TTK: variants seen among roughly 807,000 people sequenced by gnomAD.
TTK encodes the protein dual specificity protein kinase TTK.
TTK carries 59 observed loss-of-function variants against 117.3 expected under a neutral mutation model. That is an observed-to-expected ratio of 0.50 (90% CI 0.41 to 0.62). The LOEUF (loss-of-function observed/expected upper bound fraction) is 0.62, where lower values mean the gene tolerates loss of function less well. Ranked by LOEUF, TTK falls within the 20% of genes least tolerant of loss-of-function variation. TTK has a pLI of 0.00. For missense variants in TTK, 921 were observed against 989.4 expected (o/e 0.93, Z 0.93); for synonymous variants, 302 against 325.0 (o/e 0.93, Z 0.76).
intron 10 of TTK, among the ~76,000 whole-genome samples, chr6:80,016,815 C>T (rs1414005324): frequency 2.0e-5 from 3 of 152,144 alleles, no homozygotes; most frequent in Non-Finnish European, 4.4e-5. Flanking sequence ...TCTCTCCAAG[C>T]AGTGGATTTG....
chr6:80,009,879 C>G (rs1767097621), intron 4 of TTK, among the ~76,000 whole-genome samples: 1 of 152,066 alleles, frequency 6.6e-6, no homozygotes. Context: ...AAAGAAATCT[C>G]TGATCTCAAT....
Position 80,036,577 on chromosome 6 carries a change from C to T in TTK, c.2027C>T (p.Thr676Ile). 1 of 1,609,964 alleles carries T rather than the reference C, an allele frequency of 6.2e-7. No individual in the cohort carries two copies. Among genetic ancestry groups the T allele is most frequent in the Non-Finnish European group, 8.5e-7 (1 of 1,178,190 alleles). The change falls in exon 17 of 22, where the codon ACA (threonine) becomes ATA (isoleucine). Residue 676 changes from threonine (T) to isoleucine (I), a missense_variant. Thr to Ile is a moderately conservative substitution (Grantham distance 89). Transcript: ENST00000369798. ...GIANQMQPDTTSVVKDSQVGT... is the reference protein window; with the variant it reads ...GIANQMQPDTISVVKDSQVGT... ...GCAAACCAAATGCAACCAGATACAA[C>T]AAGTGTTGTTAAAGATTCTCAGGTA...
At chr6:80,018,707 C>T (rs1260228234) in intron 10 of TTK, among the ~76,000 whole-genome samples, 2 of 150,436 alleles carry the variant, frequency 1.3e-5, no homozygotes, top group Admixed American at 1.3e-4. Context: ...GTTATAATTG[C>T]TATGACCTCC....
chr6:80,040,762 T>C, intron 21 of TTK, 59 bp downstream of exon 21: 1 of 1,524,712 alleles, frequency 6.6e-7, no homozygotes, highest in Non-Finnish European at 8.9e-7. Context: ...ATTCGACACT[T>C]AAGGAAACAG....
chr6:80,011,866 A>T lies in TTK; in HGVS notation c.802-20A>T, dbSNP rs369633693. On this transcript the variant is annotated intron_variant, in intron 7 of 21. Transcript: ENST00000369798. ...TCTTTATTTCCTAGTTGGTTATTTA[A>T]TCTTTCAAAATATTTTTAGTCATGC... The T allele has an allele frequency of 6.2e-7, 1 of 1,612,188 alleles. No homozygotes were observed. Among genetic ancestry groups the T allele is most frequent in the South Asian group, 1.1e-5 (1 of 90,868 alleles).
chr6:80,028,201 C>T (rs1767656817), intron 13 of TTK, among the ~76,000 whole-genome samples, 190 bp downstream of exon 13: 2 of 151,882 alleles, frequency 1.3e-5, no homozygotes. Context: ...ATTGAAGAAG[C>T]TTACGAAGCT....
At position 80,022,466 on chromosome 6, in the gene TTK, T is replaced by C. The variant is rs1767486168; in HGVS notation, c.1251T>C (p.Asn417=). The C allele has an allele frequency of 6.2e-7, 1 of 1,612,796 alleles. No homozygotes were observed. Among genetic ancestry groups the C allele is most frequent in the South Asian group, 1.1e-5 (1 of 90,552 alleles). ...WQIPELARKV[N]TEQKHTTFEQ... is the part of the protein sequence containing the mutation. ...TTCCGGAGTTAGCCCGAAAAGTTAA[T>C]ACAGAGGTAACTTTTCCACTAAAGT... Residue 417 remains asparagine, a synonymous_variant, in exon 11 of 22, where the codon AAT becomes AAC. Coordinates refer to ENST00000369798, the MANE Select transcript of TTK (RefSeq NM_003318.5).
intron 3 of TTK, 24 bp from the exon 4 acceptor site, chr6:80,008,362 T>A (rs746954844): frequency 6.3e-7 from 1 of 1,593,408 alleles, no homozygotes; most frequent in Non-Finnish European, 8.5e-7. Flanking sequence ...TTTCTTAAAT[T>A]TTGACTCAAA....
chr6:80,029,272 A>C (rs1036590738), intron 13 of TTK, among the ~76,000 whole-genome samples: 1 of 152,210 alleles, frequency 6.6e-6, no homozygotes, highest in African/African-American at 2.4e-5. Context: ...TACTGAATGT[A>C]CTTAATGCCA....
intron 13 of TTK, among the ~76,000 whole-genome samples, chr6:80,030,260 A>G (rs1204295979): frequency 6.6e-6 from 1 of 152,172 alleles, no homozygotes; most frequent in African/African-American, 2.4e-5. Context: ...AAGTCCTCTC[A>G]GCACTCCATC....
Position 80,024,473 on chromosome 6 carries a change from C to T in TTK, c.1258-1905C>T, listed in dbSNP as rs535221203. ...TTACAACATAAGTGAACATTTACAA[C>T]GTGCTAAGTGAAAGAAGCTCACCAC... On this transcript the variant is annotated intron_variant, in intron 11 of 21. Transcript: ENST00000369798. Among the ~76,000 whole-genome samples the T allele has an allele frequency of 2.0e-5, 3 of 152,176 alleles. No individual in the cohort carries two copies. The East Asian group carries it at 5.8e-4, about 29-fold the overall frequency.
intron 11 of TTK, among the ~76,000 whole-genome samples, chr6:80,023,235 C>A (rs529956148): frequency 4.6e-5 from 7 of 152,152 alleles, no homozygotes; most frequent in Non-Finnish European, 1.0e-4. Context: ...TTGATTATAT[C>A]TATCTCTATT....
intron 10 of TTK, among the ~76,000 whole-genome samples, chr6:80,014,883 A>G (rs1767264345): frequency 6.6e-6 from 1 of 152,188 alleles, no homozygotes; most frequent in South Asian, 2.1e-4. Context: ...AGCTGTTTTT[A>G]TATGACAGCT....
chr6:80,022,210 T>C lies in TTK; in HGVS notation c.1109-114T>C, dbSNP rs927369298. The C allele has an allele frequency of 7.8e-6, 9 of 1,157,248 alleles. No individual in the cohort carries two copies. The African/African-American group carries it at 7.9e-5, about 10-fold the overall frequency. The allele number at this position is 1,157,248 out of a possible 1,614,324, so 71.7% of individuals were successfully genotyped here. A position where few individuals can be genotyped will look rare whatever the true frequency, so the allele number is the denominator to read the frequency against. On this transcript the variant is annotated intron_variant, in intron 10 of 21. Coordinates refer to ENST00000369798, the MANE Select transcript of TTK (RefSeq NM_003318.5). ...AAAGCTTTTAGTTTCTCTCCCTCCT[T>C]GATTGTTTTTAAGAACTAAATACTC...
At chr6:80,006,798 G>A (rs1245225041) in intron 2 of TTK, among the ~76,000 whole-genome samples, 2 of 152,186 alleles carry the variant, frequency 1.3e-5, no homozygotes, top group South Asian at 2.1e-4. Flanking sequence ...GGTAAAAATA[G>A]AAAATTAAGG....
In TTK at chr6:80,014,583, G is replaced by C; in HGVS notation, c.1105G>C (p.Glu369Gln). The part of the protein sequence containing the change: ...KTESSLLAKL[E>Q]ETKEYQEPEV... ...GGAATCAAGTCTTCTAGCTAAATTA[G>C]AAGGTAAGAGTAACAAAATCAGTAG... Residue 369 changes from glutamate to glutamine, a missense_variant, in exon 10 of 22, where the codon GAA (glutamate) becomes CAA (glutamine). Transcript: ENST00000369798. The C allele has an allele frequency of 6.3e-7, 1 of 1,594,656 alleles. No homozygotes were observed. The highest frequency in any genetic ancestry group is 1.2e-5 in the South Asian group (1 of 86,416).
chr6:80,017,192 C>T (rs1446023753), intron 10 of TTK, among the ~76,000 whole-genome samples: 1 of 152,184 alleles, frequency 6.6e-6, no homozygotes, highest in African/African-American at 2.4e-5. Flanking sequence ...TGAAAAGATC[C>T]TCCTTTACCT....
chr6:80,038,210 A>C (rs1712081312), intron 18 of TTK, among the ~76,000 whole-genome samples, 163 bp downstream of exon 18: 2 of 152,110 alleles, frequency 1.3e-5, no homozygotes, highest in South Asian at 2.1e-4. Flanking sequence ...ACTATTTTTC[A>C]CCACTTATTC....
At chr6:80,024,959 T>G (rs1767567229) in intron 11 of TTK, among the ~76,000 whole-genome samples, 1 of 152,218 alleles carries the variant, frequency 6.6e-6, no homozygotes, top group South Asian at 2.1e-4. Context: ...CCATCATTCC[T>G]TGAAGATACA....
Sources: gnomAD v4.1 joint callset for allele counts (sites outside exome capture counted in the v4.1 genomes callset) on GRCh38, gnomAD v4.1.1 for gene constraint, MANE v1.5 for transcripts, NCBI Gene and HGNC (gene_info 2026-07-23, HGNC 2026-07-21) for gene names.